The following CHST9 variants were observed in gnomAD, a reference collection of about 807,000 sequenced individuals.
CHST9 encodes the protein GalNAc-4-sulfotransferase 2.
In CHST9, 41 loss-of-function variants were observed where a neutral mutation model predicts 44.4. The ratio of observed to expected loss-of-function variants is 0.92; its 90% CI spans 0.72 to 1.20. CHST9 has a LOEUF of 1.20. Among genes scored for constraint, CHST9 ranks in the 50% most tolerant of loss-of-function variants. The probability of loss-of-function intolerance (pLI) is 0.00; values close to 1 mark genes in which losing one functional copy is unlikely to be tolerated. For synonymous variants in CHST9, 171 were observed against 178.4 expected, an observed-to-expected ratio of 0.96 and a Z score of 0.33; for missense variants, 504 against 516.5, an observed-to-expected ratio of 0.98 and a Z score of 0.23.
chr18:27,160,718 C>T (rs571100898), intron 1 of CHST9, among the ~76,000 whole-genome samples: 1 of 152,184 alleles, frequency 6.6e-6, no homozygotes, highest in African/African-American at 2.4e-5. Context: ...TAGTATAATT[C>T]GGCAGTGAAT....
intron 4 of CHST9, among the ~76,000 whole-genome samples, chr18:26,981,215 G>T (rs1015217315): frequency 3.3e-5 from 5 of 152,166 alleles, no homozygotes; most frequent in African/African-American, 1.2e-4. Context: ...GTAAGAAAGA[G>T]CCAAGGGTTT....
chr18:27,080,894 G>A lies in CHST9; in HGVS notation c.122-32391C>T, dbSNP rs1248314862. 2.6e-5 allele frequency among the ~76,000 whole-genome samples: 4 copies of A among 152,128 alleles called. No individual in the cohort carries two copies. The East Asian group carries it at 5.8e-4, about 22-fold the overall frequency. ...ATCTATGTTTCACTTTAGGCTCCATGAATCTGAAGAATTTAAGGCAACAGC... is the reference window on the plus strand; with the variant it reads ...ATCTATGTTTCACTTTAGGCTCCATAAATCTGAAGAATTTAAGGCAACAGC... On this transcript the variant is annotated intron_variant, in intron 2 of 5. Coordinates refer to ENST00000618847, the MANE Select transcript of CHST9 (RefSeq NM_031422.6).
In CHST9 at chr18:27,001,250, AC is replaced by A. The variant is rs1203094007; in HGVS notation, c.202+22865del. ...CTCTAAGGGAATAATAAAAAGCCAG[AC>A]TGACTCTAGGACTGGACATTAAACT... On this transcript the variant is annotated intron_variant, in intron 4 of 5. Transcript: ENST00000618847. Among the ~76,000 whole-genome samples, 18 of 152,316 alleles carry A rather than the reference AC, an allele frequency of 1.2e-4. No individual in the cohort carries two copies. The Middle Eastern group carries it at 0.01, about 86-fold the overall frequency.
chr18:27,075,760 T>C (rs1299289330), intron 2 of CHST9, among the ~76,000 whole-genome samples: 1 of 152,198 alleles, frequency 6.6e-6, no homozygotes, highest in African/African-American at 2.4e-5. Flanking sequence ...TTCTCGTATG[T>C]ACTGTGTAAG....
intron 2 of CHST9, among the ~76,000 whole-genome samples, chr18:27,125,758 G>A (rs752324831): frequency 6.6e-6 from 1 of 152,122 alleles, no homozygotes; most frequent in African/African-American, 2.4e-5. Flanking sequence ...GAAGATAGCC[G>A]TCAATGTCAC....
chr18:26,944,423 G>T, intron 4 of CHST9, 57 bp from the exon 5 acceptor site: 10 of 1,221,748 alleles, frequency 8.2e-6, no homozygotes, highest in East Asian at 2.3e-5. Flanking sequence ...AATAAAATGC[G>T]GTACTGATGC....
chr18:27,028,278 T>C (rs1479793645), intron 3 of CHST9, among the ~76,000 whole-genome samples: 1 of 152,174 alleles, frequency 6.6e-6, no homozygotes, highest in East Asian at 1.9e-4. Context: ...TTAATAGAAA[T>C]AGCAGTTCTC....
intron 3 of CHST9, among the ~76,000 whole-genome samples, chr18:27,044,065 C>A (rs905588384): frequency 1.3e-5 from 2 of 149,302 alleles, no homozygotes; most frequent in East Asian, 1.9e-4. Flanking sequence ...GCCCTTCCCC[C>A]CCCTTTATTT....
chr18:26,937,662 A>G (rs1158820977), intron 5 of CHST9, among the ~76,000 whole-genome samples: 1 of 152,206 alleles, frequency 6.6e-6, no homozygotes, highest in Non-Finnish European at 1.5e-5. Flanking sequence ...TTATGCATGC[A>G]TGATTTTAGA....
chr18:26,964,850 A>G (rs1183306084), intron 4 of CHST9, among the ~76,000 whole-genome samples: 7 of 152,244 alleles, frequency 4.6e-5, no homozygotes, highest in Admixed American at 4.6e-4. Flanking sequence ...GCAGAAGAAG[A>G]GAGCATGAAG....
chr18:26,933,143 C>T (rs1202273217), intron 5 of CHST9: 2 of 153,890 alleles, frequency 1.3e-5, no homozygotes, highest in East Asian at 3.9e-4. Context: ...AGATGCATAT[C>T]CCACATCCAG....
At chr18:27,053,218 G>GGAAGAAGAAGAA (rs1198842599) in intron 2 of CHST9, among the ~76,000 whole-genome samples, 1,532 of 32,320 alleles carry the variant, frequency 0.047, 164 homozygotes, top group Admixed American at 0.088. Flanking sequence ...AGGAGGAAGA[G>GGAAGAAGAAGAA]GAAGAAGAAG....
intron 2 of CHST9, among the ~76,000 whole-genome samples, chr18:27,089,209 T>A (rs1401771070): frequency 6.6e-6 from 1 of 152,108 alleles, no homozygotes. Context: ...GATACATAGG[T>A]ATGTGCCATG....
At chr18:26,954,066 T>C (rs2056288247) in intron 4 of CHST9, among the ~76,000 whole-genome samples, 9 of 152,024 alleles carry the variant, frequency 5.9e-5, no homozygotes, top group Admixed American at 5.9e-4. Context: ...GAGTATCACA[T>C]CCCCCTCTTT....
In CHST9 at chr18:26,976,000, T is replaced by C. The variant is rs192117526; in HGVS notation, c.203-31634A>G. On this transcript the variant is annotated intron_variant, in intron 4 of 5. Transcript: ENST00000618847. ...AACCAGGAGAACAAGGAGGACCCAGTGAGCCCGAGCAATCTTCTCATGGGT... is the reference window on the plus strand; with the variant it reads ...AACCAGGAGAACAAGGAGGACCCAGCGAGCCCGAGCAATCTTCTCATGGGT... Among the ~76,000 whole-genome samples the C allele has an allele frequency of 2.3e-3, 346 of 151,680 alleles. 1 individual carries two copies. Among genetic ancestry groups the C allele is most frequent in the African/African-American group, 7.5e-3 (309 of 41,418 alleles).
chr18:26,977,843 T>C (rs2056642326), intron 4 of CHST9, among the ~76,000 whole-genome samples: 1 of 152,020 alleles, frequency 6.6e-6, no homozygotes, highest in Non-Finnish European at 1.5e-5. Context: ...GTGTCCAACA[T>C]GTCATTAGAG....
chr18:27,118,953 C>T (rs1253803873), intron 2 of CHST9, among the ~76,000 whole-genome samples: 1 of 152,168 alleles, frequency 6.6e-6, no homozygotes, highest in African/African-American at 2.4e-5. Context: ...AATTGATTAA[C>T]AGTTACATTT....
chr18:27,060,174 G>A (rs28701166), intron 2 of CHST9, among the ~76,000 whole-genome samples: 4,813 of 152,230 alleles, frequency 0.032, 210 homozygotes, highest in African/African-American at 0.095. Context: ...CAACGCTATT[G>A]TAAAAAGTAA....
intron 2 of CHST9, among the ~76,000 whole-genome samples, chr18:27,053,141 A>AAGAAGAAGAAGAAGAAGG (rs2057591942): frequency 1.7e-5 from 2 of 120,990 alleles, no homozygotes; most frequent in African/African-American, 6.3e-5. Context: ...GAAGAAGAAG[A>AAGAAGAAGAAGAAGAAGG]AGAAGAAGAA....
Sources: allele counts gnomAD v4.1 joint callset (sites outside exome capture counted in the v4.1 genomes callset), GRCh38; gene constraint gnomAD v4.1.1; transcripts MANE v1.5; gene names NCBI Gene and HGNC (gene_info 2026-07-23, HGNC 2026-07-21).